Variants in ARHGEF3 observed in about 807,000 individuals in gnomAD.
ARHGEF3 encodes the protein Rho guanine nucleotide exchange factor 3.
Under a neutral mutation model 63.2 loss-of-function variants are expected in ARHGEF3, and 28 were observed. That is an observed-to-expected ratio of 0.44 (90% CI 0.33 to 0.61). ARHGEF3 has a LOEUF of 0.61. ARHGEF3 is among the 20% of genes least tolerant of loss of function. The pLI, the probability that ARHGEF3 is intolerant of heterozygous loss-of-function variation, is 0.03. For synonymous variants in ARHGEF3, 266 were observed against 254.2 expected, an observed-to-expected ratio of 1.05 and a Z score of -0.44; for missense variants, 533 against 659.3, an observed-to-expected ratio of 0.81 and a Z score of 2.10.
intron 2 of ARHGEF3, among the ~76,000 whole-genome samples, chr3:57,014,504 CCA>C (rs1051397177): frequency 6.6e-6 from 1 of 152,028 alleles, no homozygotes; most frequent in Non-Finnish European, 1.5e-5. Context: ...CATATGCGTA[CCA>C]ATGCAAGAAG....
At chr3:56,919,877 C>A (rs1450036045) in intron 3 of ARHGEF3, among the ~76,000 whole-genome samples, 1 of 152,158 alleles carries the variant, frequency 6.6e-6, no homozygotes. Flanking sequence ...TGAGGTTGGT[C>A]AGGAGTGGGG....
At chr3:56,899,680 C>CT (rs1302597973) in intron 3 of ARHGEF3, among the ~76,000 whole-genome samples, 1 of 152,100 alleles carries the variant, frequency 6.6e-6, no homozygotes, top group African/African-American at 2.4e-5. Context: ...ATGAGTGGGA[C>CT]TTAGGAAACA....
At chr3:57,000,108 C>G (rs1401040771) in intron 2 of ARHGEF3, among the ~76,000 whole-genome samples, 1 of 152,130 alleles carries the variant, frequency 6.6e-6, no homozygotes, top group Non-Finnish European at 1.5e-5. Context: ...TGAGAAAAGC[C>G]TGCAAATGCT....
At chr3:57,070,986 A>AG (rs1705865007) in intron 1 of ARHGEF3, among the ~76,000 whole-genome samples, 5 of 123,674 alleles carry the variant, frequency 4.0e-5, no homozygotes, top group African/African-American at 1.1e-4. Flanking sequence ...AAAAAAAAAA[A>AG]AGAAAGAAAG....
intron 9 of ARHGEF3, among the ~76,000 whole-genome samples, chr3:56,731,417 G>C (rs1258367796): frequency 2.6e-5 from 4 of 151,862 alleles, no homozygotes; most frequent in Admixed American, 2.6e-4. Context: ...TGTACTCCCA[G>C]TTACTTGGAA....
At chr3:57,013,528 C>T (rs558337355) in intron 2 of ARHGEF3, among the ~76,000 whole-genome samples, 1 of 152,170 alleles carries the variant, frequency 6.6e-6, no homozygotes, top group African/African-American at 2.4e-5. Context: ...CTGTGTCTAG[C>T]TAAAGGTTTA....
chr3:56,947,064 G>C (rs1699542797), intron 3 of ARHGEF3, among the ~76,000 whole-genome samples: 1 of 152,192 alleles, frequency 6.6e-6, no homozygotes, highest in Admixed American at 6.5e-5. Context: ...ATCCTTAACA[G>C]ACAAGCAAAT....
intron 1 of ARHGEF3, among the ~76,000 whole-genome samples, chr3:56,779,045 C>T (rs954125914): frequency 6.6e-6 from 1 of 152,108 alleles, no homozygotes; most frequent in Non-Finnish European, 1.5e-5. Flanking sequence ...AGGCACTGCA[C>T]TCTCCCACAG....
chr3:56,968,258 TTTA>T (rs1700732147), intron 2 of ARHGEF3, among the ~76,000 whole-genome samples: 37 of 36,886 alleles, frequency 1.0e-3, no homozygotes, highest in Non-Finnish European at 1.8e-3. Context: ...ATATATAATA[TTTA>T]AATATATAAT....
Position 56,972,839 on chromosome 3 carries a change from C to A in ARHGEF3, c.63-13950G>T, listed in dbSNP as rs189285495. Among the ~76,000 whole-genome samples, 99 of 151,930 alleles carry A rather than the reference C, an allele frequency of 6.5e-4. 1 individual carries two copies. In the Middle Eastern group the frequency reaches 0.041, roughly 63 times the overall value. ...GATTCCGAGCAGAAAACAAACCTGACCTAAGTTTTAAAAGGATTGCTGTCA... is the reference window on the plus strand; with the variant it reads ...GATTCCGAGCAGAAAACAAACCTGAACTAAGTTTTAAAAGGATTGCTGTCA... On this transcript the variant is annotated intron_variant, in intron 2 of 12. Coordinates refer to the ARHGEF3 transcript ENST00000338458.
chr3:56,866,690 G>A lies in ARHGEF3; in HGVS notation c.192+15602C>T, dbSNP rs148953849. On this transcript the variant is annotated intron_variant, in intron 4 of 12. Coordinates refer to the ARHGEF3 transcript ENST00000338458. ...ATCTAGAATATACTCCTTTCCACAA[G>A]TTTGGATAAACAAGCAATGTATGTT... is the stretch of plus-strand genomic sequence containing the variant. Among the ~76,000 whole-genome samples, 491 of 152,250 alleles carry A rather than the reference G, an allele frequency of 3.2e-3. 6 individuals are homozygous for A. The highest frequency in any genetic ancestry group is 0.018 in the South Asian group (88 of 4,830).
intron 2 of ARHGEF3, among the ~76,000 whole-genome samples, chr3:56,983,151 T>C (rs1051069902): frequency 2.6e-5 from 4 of 152,184 alleles, no homozygotes; most frequent in Admixed American, 6.5e-5. Context: ...AGGGTGTATG[T>C]ATGTATATAT....
chr3:56,832,316 C>T (rs1044219365), intron 4 of ARHGEF3, among the ~76,000 whole-genome samples: 1 of 152,198 alleles, frequency 6.6e-6, no homozygotes, highest in Non-Finnish European at 1.5e-5. Context: ...GTTAAATTTG[C>T]TTCCAGGGCT....
At chr3:56,936,249 CCG>C (rs997398345) in intron 3 of ARHGEF3, among the ~76,000 whole-genome samples, 2 of 152,030 alleles carry the variant, frequency 1.3e-5, no homozygotes, top group Non-Finnish European at 2.9e-5. Flanking sequence ...GGAGGAGACA[CCG>C]GGAGCAGAAC....
At chr3:56,823,911 A>G (rs776072811) in intron 4 of ARHGEF3, among the ~76,000 whole-genome samples, 1 of 151,642 alleles carries the variant, frequency 6.6e-6, no homozygotes, top group Non-Finnish European at 1.5e-5. Context: ...AAAGGGGAGT[A>G]AGAATATGTT....
intron 3 of ARHGEF3, among the ~76,000 whole-genome samples, chr3:56,928,227 T>C (rs1560057940): frequency 6.6e-6 from 1 of 152,208 alleles, no homozygotes; most frequent in Non-Finnish European, 1.5e-5. Flanking sequence ...GAGCATCTAC[T>C]ATATACCAGG....
intron 3 of ARHGEF3, among the ~76,000 whole-genome samples, chr3:56,919,696 G>A (rs572979190): frequency 6.6e-5 from 10 of 152,286 alleles, no homozygotes; most frequent in South Asian, 2.1e-4. Context: ...AAACCACAGC[G>A]ACTAAGGATT....
chr3:57,036,465 C>T (rs928209751), intron 1 of ARHGEF3, among the ~76,000 whole-genome samples: 9 of 152,118 alleles, frequency 5.9e-5, no homozygotes, highest in African/African-American at 2.2e-4. Context: ...GAGGATTCCT[C>T]CCACTATTTC....
At chr3:56,927,490 A>C (rs1032602584) in intron 3 of ARHGEF3, among the ~76,000 whole-genome samples, 1 of 152,102 alleles carries the variant, frequency 6.6e-6, no homozygotes, top group Non-Finnish European at 1.5e-5. Flanking sequence ...TTATATTTTA[A>C]ATATACGATA....
Sources: allele counts gnomAD v4.1 joint callset (sites outside exome capture counted in the v4.1 genomes callset), GRCh38; gene constraint gnomAD v4.1.1; transcripts MANE v1.5; gene names NCBI Gene and HGNC (gene_info 2026-07-23, HGNC 2026-07-21).